SHC3: variants seen among roughly 807,000 people sequenced by gnomAD.
SHC3 encodes the protein SHC-transforming protein 3.
Under a neutral mutation model 60.4 loss-of-function variants are expected in SHC3, and 15 were observed. The ratio of observed to expected loss-of-function variants is 0.25; its 90% CI spans 0.17 to 0.38. SHC3 has a LOEUF of 0.38. SHC3 is among the 10% of genes least tolerant of loss of function. The pLI is 1.00. For synonymous variants in SHC3, 294 were observed against 325.9 expected (o/e 0.90, Z 1.05); for missense variants, 677 against 786.1 (o/e 0.86, Z 1.66).
intron 11 of SHC3, among the ~76,000 whole-genome samples, chr9:89,022,715 G>A (rs1826225591): frequency 6.6e-6 from 1 of 152,068 alleles, no homozygotes; most frequent in Admixed American, 6.5e-5. Context: ...ACCTCCTTAT[G>A]AAAAATCATG....
intron 5 of SHC3, among the ~76,000 whole-genome samples, chr9:89,070,432 C>T (rs1825252256): frequency 6.6e-6 from 1 of 152,194 alleles, no homozygotes; most frequent in Non-Finnish European, 1.5e-5. Flanking sequence ...TTTGCAGGCC[C>T]AGGCTGTCCA....
chr9:89,089,666 C>T (rs1450377606), intron 2 of SHC3, among the ~76,000 whole-genome samples: 1 of 152,208 alleles, frequency 6.6e-6, no homozygotes, highest in African/African-American at 2.4e-5. Flanking sequence ...CCCAGAATCA[C>T]ACAATATTGG....
intron 1 of SHC3, among the ~76,000 whole-genome samples, chr9:89,149,525 TAA>T (rs1415282759): frequency 6.6e-6 from 1 of 152,180 alleles, no homozygotes; most frequent in Non-Finnish European, 1.5e-5. Context: ...TCCTGTCGTC[TAA>T]AGTCTTTTTT....
At chr9:89,162,632 T>TA (rs1826726081) in intron 1 of SHC3, among the ~76,000 whole-genome samples, 1 of 151,402 alleles carries the variant, frequency 6.6e-6, no homozygotes, top group Non-Finnish European at 1.5e-5. Flanking sequence ...CCTAAAACCA[T>TA]AAAAACCCTA....
intron 2 of SHC3, among the ~76,000 whole-genome samples, chr9:89,079,235 C>G (rs894841158): frequency 6.6e-6 from 1 of 152,188 alleles, no homozygotes; most frequent in African/African-American, 2.4e-5. Flanking sequence ...TGACCAATCA[C>G]GTATCATCTA....
chr9:89,110,572 GA>G (rs1825932780), intron 2 of SHC3: 1 of 637,202 alleles, frequency 1.6e-6, no homozygotes, highest in Non-Finnish European at 2.0e-6. Flanking sequence ...GCTTCATTCT[GA>G]AGTTGATTTG....
intron 5 of SHC3, among the ~76,000 whole-genome samples, chr9:89,069,941 G>A (rs1207011719): frequency 6.6e-6 from 1 of 152,194 alleles, no homozygotes; most frequent in African/African-American, 2.4e-5. Flanking sequence ...AGGGGTATGG[G>A]AAGAAAAGGT....
chr9:89,084,894 G>A (rs901492417), intron 2 of SHC3, among the ~76,000 whole-genome samples: 2 of 152,200 alleles, frequency 1.3e-5, no homozygotes, highest in African/African-American at 4.8e-5. Context: ...GACCCATGAG[G>A]GGCTGGACTG....
chr9:89,141,478 G>T (rs1826392527), intron 1 of SHC3, among the ~76,000 whole-genome samples: 1 of 152,162 alleles, frequency 6.6e-6, no homozygotes, highest in Admixed American at 6.5e-5. Flanking sequence ...CAACTGGTTT[G>T]CACAGAGAGA....
intron 5 of SHC3, among the ~76,000 whole-genome samples, chr9:89,070,518 G>A (rs1825254094): frequency 6.6e-6 from 1 of 152,202 alleles, no homozygotes; most frequent in Non-Finnish European, 1.5e-5. Flanking sequence ...TCAACTTCGT[G>A]ACAGTACAGT....
chr9:89,088,896 A>G (rs1338473947), intron 2 of SHC3: 1 of 152,496 alleles, frequency 6.6e-6, no homozygotes, highest in Non-Finnish European at 1.5e-5. Context: ...AAGCCTGGGC[A>G]CCGCGGAAGC....
Position 89,097,778 on chromosome 9 carries a change from A to C in SHC3, c.545+14778T>G, listed in dbSNP as rs565217630. The stretch of plus-strand genomic sequence containing the variant: ...GGGTTCGTCAAGGAATCTCAAACCC[A>C]AGTTTGCAAAGTAATGGGGTTCAAT... On this transcript the variant is annotated intron_variant, in intron 2 of 11. Coordinates refer to ENST00000375835, the MANE Select transcript of SHC3 (RefSeq NM_016848.6). Among the ~76,000 whole-genome samples, 10 of 152,332 alleles carry C rather than the reference A, an allele frequency of 6.6e-5. No individual in the cohort carries two copies. In the South Asian group the frequency reaches 2.1e-3, roughly 32 times the overall value.
intron 8 of SHC3, 23 bp downstream of exon 8, chr9:89,046,820 TA>T: frequency 6.7e-7 from 1 of 1,490,198 alleles, no homozygotes; most frequent in Non-Finnish European, 8.9e-7. Context: ...ATTCCTTATA[TA>T]AGAAAAAAAC....
chr9:89,025,021 A>C (rs1587680006), intron 11 of SHC3, among the ~76,000 whole-genome samples: 1 of 152,304 alleles, frequency 6.6e-6, no homozygotes, highest in Non-Finnish European at 1.5e-5. Context: ...GTGTAAGTGG[A>C]GTTGCCCTGT....
intron 5 of SHC3, among the ~76,000 whole-genome samples, chr9:89,069,114 C>T (rs1825229737): frequency 6.6e-6 from 1 of 152,140 alleles, no homozygotes; most frequent in South Asian, 2.1e-4. Flanking sequence ...TTGAGACCAG[C>T]CTGGGCAATA....
chr9:89,112,726 T>G, intron 1 of SHC3, 100 bp from the exon 2 acceptor site: 2 of 987,698 alleles, frequency 2.0e-6, no homozygotes, highest in Non-Finnish European at 2.9e-6. Context: ...ACACATTTCT[T>G]AAATCACATT....
chr9:89,177,943 C>A, intron 1 of SHC3, 44 bp downstream of exon 1: 1 of 1,186,960 alleles, frequency 8.4e-7, no homozygotes, highest in Non-Finnish European at 1.0e-6. Flanking sequence ...CCCGAACTGG[C>A]CCCAGAACCC....
intron 10 of SHC3, among the ~76,000 whole-genome samples, chr9:89,039,586 C>T (rs1315634126): frequency 2.0e-5 from 3 of 152,158 alleles, no homozygotes; most frequent in East Asian, 1.9e-4. Flanking sequence ...TCCCCACATT[C>T]ACTTTTATTG....
intron 1 of SHC3, among the ~76,000 whole-genome samples, chr9:89,137,926 G>T (rs1435123139): frequency 6.6e-6 from 1 of 152,198 alleles, no homozygotes. Context: ...CCATTATTTT[G>T]TAACAGAGTC....
Sources: gnomAD v4.1 joint callset for allele counts (sites outside exome capture counted in the v4.1 genomes callset) on GRCh38, gnomAD v4.1.1 for gene constraint, MANE v1.5 for transcripts, NCBI Gene and HGNC (gene_info 2026-07-23, HGNC 2026-07-21) for gene names.